ATF6: variants seen among roughly 807,000 people sequenced by gnomAD.
ATF6 encodes the protein activating transcription factor 6, also known as cyclic AMP-dependent transcription factor ATF-6 alpha.
ATF6 carries 53 observed loss-of-function variants against 83.6 expected under a neutral mutation model. The ratio of observed to expected loss-of-function variants is 0.63; its 90% CI spans 0.51 to 0.80. The LOEUF (loss-of-function observed/expected upper bound fraction) is 0.80, where lower values mean the gene tolerates loss of function less well. Ranked by LOEUF, ATF6 falls within the 30% of genes least tolerant of loss-of-function variation. The pLI, the probability that ATF6 is intolerant of heterozygous loss-of-function variation, is 0.00. For synonymous variants in ATF6, 288 were observed against 285.8 expected (o/e 1.01, Z -0.08); for missense variants, 744 against 797.9 (o/e 0.93, Z 0.81).
intron 9 of ATF6, among the ~76,000 whole-genome samples, chr1:161,839,525 C>T (rs1303704397): frequency 1.3e-5 from 2 of 152,042 alleles, no homozygotes; most frequent in Non-Finnish European, 2.9e-5. Context: ...CCACACCCAG[C>T]TAATTATTGT....
intron 14 of ATF6, 42 bp from the exon 15 acceptor site, chr1:161,912,254 G>C: frequency 6.8e-7 from 1 of 1,465,226 alleles, no homozygotes; most frequent in Non-Finnish European, 9.4e-7. Flanking sequence ...CTAGGACTAA[G>C]CCAATTGTTA....
intron 15 of ATF6, among the ~76,000 whole-genome samples, chr1:161,947,810 C>CTTTTT (rs10524670): frequency 0.011 from 626 of 57,564 alleles, 94 homozygotes; most frequent in East Asian, 0.039. Flanking sequence ...TAAGCCACGC[C>CTTTTT]TTTTTTTTTT....
chr1:161,893,174 CT>C (rs888904564), intron 14 of ATF6, among the ~76,000 whole-genome samples: 6 of 150,382 alleles, frequency 4.0e-5, no homozygotes, highest in Admixed American at 2.0e-4. Context: ...TTCTTTCTTT[CT>C]TTTTTTTTGA....
intron 14 of ATF6, among the ~76,000 whole-genome samples, chr1:161,875,839 G>T (rs1687206815): frequency 1.3e-5 from 2 of 151,740 alleles, no homozygotes; most frequent in African/African-American, 4.8e-5. Context: ...TTCCCATTTT[G>T]TCGTACAGAA....
At chr1:161,920,284 C>T (rs888472318) in intron 15 of ATF6, among the ~76,000 whole-genome samples, 3 of 48,072 alleles carry the variant, frequency 6.2e-5, no homozygotes, top group Non-Finnish European at 1.2e-4. Flanking sequence ...CTCTTTCTCT[C>T]TCTCTCTCTC....
chr1:161,814,766 G>A (rs561995944), intron 7 of ATF6, among the ~76,000 whole-genome samples: 30 of 152,242 alleles, frequency 2.0e-4, no homozygotes, highest in East Asian at 5.8e-4. Context: ...ATAAGTGTAC[G>A]TAAGATTCTT....
chr1:161,824,364 A>G (rs1323927732), intron 9 of ATF6, among the ~76,000 whole-genome samples: 1 of 145,412 alleles, frequency 6.9e-6, no homozygotes, highest in East Asian at 2.0e-4. Flanking sequence ...ATTAAAAAAC[A>G]TCAAGTTTTT....
intron 14 of ATF6, among the ~76,000 whole-genome samples, chr1:161,892,826 C>T (rs1270355666): frequency 2.0e-5 from 3 of 151,742 alleles, no homozygotes; most frequent in Admixed American, 1.3e-4. Flanking sequence ...TTAGTAGAGA[C>T]GGGGTTTCGC....
At chr1:161,874,147 A>T (rs577603827) in intron 14 of ATF6, among the ~76,000 whole-genome samples, 5 of 151,602 alleles carry the variant, frequency 3.3e-5, no homozygotes, top group Non-Finnish European at 3.0e-5. Context: ...CTGGGTTTCA[A>T]AGTCAGAACA....
intron 13 of ATF6, among the ~76,000 whole-genome samples, chr1:161,861,501 A>G (rs1026505058): frequency 7.9e-5 from 12 of 152,224 alleles, no homozygotes; most frequent in Non-Finnish European, 1.6e-4. Flanking sequence ...ACCAGAATAT[A>G]TCATTCAATT....
chr1:161,824,290 C>T (rs764819361), intron 9 of ATF6, among the ~76,000 whole-genome samples: 3 of 151,384 alleles, frequency 2.0e-5, no homozygotes, highest in Admixed American at 6.6e-5. Flanking sequence ...GAGATTCTTT[C>T]TGTCAGGTGT....
At chr1:161,845,426 A>C (rs1470370503) in intron 9 of ATF6, among the ~76,000 whole-genome samples, 7 of 152,138 alleles carry the variant, frequency 4.6e-5, no homozygotes, top group Non-Finnish European at 8.8e-5. Flanking sequence ...ACACACACAC[A>C]AAGTCTTATT....
intron 15 of ATF6, among the ~76,000 whole-genome samples, chr1:161,924,284 A>G (rs906012451): frequency 2.0e-5 from 3 of 152,160 alleles, no homozygotes; most frequent in African/African-American, 7.2e-5. Flanking sequence ...CAAGCTGAGG[A>G]TGGCCAGTGT....
At chr1:161,859,328 GT>G (rs1454994376) in intron 12 of ATF6, among the ~76,000 whole-genome samples, 1 of 152,148 alleles carries the variant, frequency 6.6e-6, no homozygotes, top group Admixed American at 6.5e-5. Flanking sequence ...ACATGCTTCT[GT>G]TTTAGCGCTT....
intron 9 of ATF6, among the ~76,000 whole-genome samples, chr1:161,832,435 C>T (rs1386204065): frequency 1.7e-4 from 26 of 152,236 alleles, no homozygotes; most frequent in Admixed American, 1.7e-3. Context: ...GCGCACCGTG[C>T]ATGAGCTGAA....
Position 161,846,559 on chromosome 1 carries a change from T to C in ATF6, c.1298T>C (p.Ile433Thr). Residue 433 changes from isoleucine to threonine, a missense_variant, in exon 10 of 16, where the codon ATT (isoleucine) becomes ACT (threonine). Ile to Thr is a moderately conservative substitution (Grantham distance 89, BLOSUM62 -1). Coordinates refer to ENST00000367942, the MANE Select transcript of ATF6 (RefSeq NM_007348.4). ...AKEAQDTSDG[I>T]IQKNSYRYDH... ...GAGGCACAGGACACATCAGATGGTA[T>C]TATCCAGAAAAACAGCTACAGGTAA... is the stretch of plus-strand genomic sequence containing the variant. 1 of 1,605,604 alleles carries C rather than the reference T, an allele frequency of 6.2e-7. No individual in the cohort carries two copies. Among genetic ancestry groups the C allele is most frequent in the Non-Finnish European group, 8.5e-7 (1 of 1,175,748 alleles).
intron 15 of ATF6, among the ~76,000 whole-genome samples, chr1:161,931,663 C>G (rs1160519853): frequency 6.6e-6 from 1 of 152,142 alleles, no homozygotes; most frequent in African/African-American, 2.4e-5. Context: ...GTGTTACTGG[C>G]CATTTGTATA....
intron 9 of ATF6, among the ~76,000 whole-genome samples, chr1:161,838,791 G>A (rs1425387609): frequency 6.6e-6 from 1 of 152,142 alleles, no homozygotes; most frequent in African/African-American, 2.4e-5. Flanking sequence ...CCCAGAGCAC[G>A]GTAATCCCTG....
intron 9 of ATF6, among the ~76,000 whole-genome samples, chr1:161,822,910 T>A (rs961703085): frequency 4.6e-5 from 7 of 152,190 alleles, no homozygotes; most frequent in Non-Finnish European, 8.8e-5. Flanking sequence ...TGTCTTTGTG[T>A]TTATATGTAT....
Sources: allele counts gnomAD v4.1 joint callset (sites outside exome capture counted in the v4.1 genomes callset), GRCh38; gene constraint gnomAD v4.1.1; transcripts MANE v1.5; gene names NCBI Gene and HGNC (gene_info 2026-07-23, HGNC 2026-07-21).